STAU2: variants seen among roughly 807,000 people sequenced by gnomAD.
The protein encoded by STAU2 is double-stranded RNA-binding protein Staufen homolog 2.
In STAU2, 20 loss-of-function variants were observed where a neutral mutation model predicts 65.9. That is an observed-to-expected ratio of 0.30 (90% CI 0.21 to 0.44). The LOEUF is 0.44. Among genes scored for constraint, STAU2 ranks in the 20% least tolerant of loss-of-function variants. STAU2 has a pLI of 1.00. For synonymous variants in STAU2, 232 were observed against 233.9 expected (o/e 0.99, Z 0.07); for missense variants, 558 against 683.9 (o/e 0.82, Z 2.05).
intron 4 of STAU2, among the ~76,000 whole-genome samples, chr8:73,695,192 G>C (rs954836218): frequency 1.3e-5 from 2 of 152,154 alleles, no homozygotes; most frequent in Non-Finnish European, 2.9e-5. Flanking sequence ...TTGTAGCAAC[G>C]AAAGTATCTA....
chr8:73,560,662 C>A (rs1450987521), intron 12 of STAU2, among the ~76,000 whole-genome samples: 1 of 152,068 alleles, frequency 6.6e-6, no homozygotes, highest in Non-Finnish European at 1.5e-5. Flanking sequence ...AGTCTTGCCC[C>A]CAAAAAGGCA....
At chr8:73,428,346 A>T (rs1033344828) in intron 13 of STAU2, among the ~76,000 whole-genome samples, 2 of 152,142 alleles carry the variant, frequency 1.3e-5, no homozygotes, top group African/African-American at 4.8e-5. Context: ...TATATACCAC[A>T]TTTTCTTTTT....
intron 6 of STAU2, among the ~76,000 whole-genome samples, chr8:73,654,684 T>A (rs1816197535): frequency 2.1e-4 from 2 of 9,346 alleles, no homozygotes; most frequent in African/African-American, 4.1e-4. Context: ...TTATCAAACC[T>A]TTTTTTTTTT....
intron 5 of STAU2, among the ~76,000 whole-genome samples, chr8:73,675,249 A>G (rs1817952232): frequency 6.6e-6 from 1 of 152,054 alleles, no homozygotes; most frequent in African/African-American, 2.4e-5. Flanking sequence ...ACTGAATGAT[A>G]ATAGTGACAC....
At chr8:73,583,149 C>CTT (rs111660605) in intron 11 of STAU2, among the ~76,000 whole-genome samples, 4 of 141,626 alleles carry the variant, frequency 2.8e-5, no homozygotes, top group African/African-American at 5.2e-5. Flanking sequence ...AAAAATAAAT[C>CTT]TTTTTTTTTT....
chr8:73,536,890 T>C (rs867451486), intron 13 of STAU2, among the ~76,000 whole-genome samples: 58 of 152,246 alleles, frequency 3.8e-4, no homozygotes, highest in Middle Eastern at 3.4e-3. Flanking sequence ...CAAAATTCAG[T>C]AGAAAATCAC....
In STAU2 at chr8:73,603,869, A is replaced by C. The variant is rs1265041057; in HGVS notation, c.892-6T>G. 3.8e-6 allele frequency: 6 copies of C among 1,576,652 alleles called. No individual in the cohort carries two copies. Among genetic ancestry groups the C allele is most frequent in the Non-Finnish European group, 4.3e-6 (5 of 1,168,554 alleles). Reference sequence around the variant, plus strand: ...TGGCCATATTCTGGTCCGGCCTAAAAATTAATTTAAGAAAAAGTTTTAAAA... The same window carrying C: ...TGGCCATATTCTGGTCCGGCCTAAACATTAATTTAAGAAAAAGTTTTAAAA... On this transcript the variant is annotated splice_polypyrimidine_tract_variant and splice_region_variant and intron_variant, in intron 9 of 14. Transcript: ENST00000524300.
chr8:73,540,193 A>T (rs890245989), intron 13 of STAU2, among the ~76,000 whole-genome samples: 6 of 152,230 alleles, frequency 3.9e-5, no homozygotes, highest in African/African-American at 1.2e-4. Context: ...GAATAAGATC[A>T]TTCTGAATTT....
chr8:73,514,486 C>T (rs1822596665), intron 13 of STAU2, among the ~76,000 whole-genome samples: 1 of 152,206 alleles, frequency 6.6e-6, no homozygotes, highest in Non-Finnish European at 1.5e-5. Context: ...ATGTCTGGAA[C>T]TCCCACCAAG....
intron 13 of STAU2, among the ~76,000 whole-genome samples, chr8:73,435,185 A>T (rs1476195679): frequency 6.6e-6 from 1 of 151,792 alleles, no homozygotes; most frequent in Non-Finnish European, 1.5e-5. Flanking sequence ...CTCCAGGTGG[A>T]TGTCCCTAAT....
At chr8:73,570,125 A>G (rs1376207610) in intron 12 of STAU2, among the ~76,000 whole-genome samples, 1 of 152,224 alleles carries the variant, frequency 6.6e-6, no homozygotes, top group East Asian at 1.9e-4. Context: ...ACTTTAAATG[A>G]CCTGATGGAG....
chr8:73,630,527 C>T (rs1485016382), intron 6 of STAU2, among the ~76,000 whole-genome samples: 1 of 152,210 alleles, frequency 6.6e-6, no homozygotes, highest in East Asian at 1.9e-4. Context: ...ATTTTAGTCA[C>T]ACTAAATACA....
At chr8:73,448,408 G>A (rs1018039918) in intron 13 of STAU2, among the ~76,000 whole-genome samples, 29 of 152,174 alleles carry the variant, frequency 1.9e-4, no homozygotes, top group African/African-American at 6.7e-4. Flanking sequence ...TCAGCCTCCC[G>A]AGTAGCTGGG....
At chr8:73,624,099 A>C (rs1244624595) in intron 6 of STAU2, among the ~76,000 whole-genome samples, 1 of 152,176 alleles carries the variant, frequency 6.6e-6, no homozygotes, top group Non-Finnish European at 1.5e-5. Flanking sequence ...TTCCTCTCAT[A>C]ATTTCAAGTT....
rs759573778 is a variant in STAU2 at position 73,535,097 on chromosome 8, C to T, written c.1530+16915G>A. ...ACAAATGAAACAGATGTGTTGTCAG[C>T]GTTGTTTAGGGGGATAATAACATTC... On this transcript the variant is annotated intron_variant, in intron 13 of 14. Transcript: ENST00000524300. 3.9e-5 allele frequency among the ~76,000 whole-genome samples: 6 copies of T among 152,084 alleles called. No individual in the cohort carries two copies. In the East Asian group the frequency reaches 7.7e-4, roughly 19 times the overall value.
chr8:73,575,389 G>T (rs1809464150), intron 12 of STAU2, among the ~76,000 whole-genome samples: 1 of 152,138 alleles, frequency 6.6e-6, no homozygotes, highest in African/African-American at 2.4e-5. Flanking sequence ...CTACACTGAT[G>T]GTAGAGACGT....
intron 6 of STAU2, among the ~76,000 whole-genome samples, chr8:73,626,326 G>A (rs1013102367): frequency 2.6e-5 from 4 of 152,162 alleles, no homozygotes; most frequent in African/African-American, 9.7e-5. Context: ...CCATTTTTGA[G>A]AAAGGGCAAG....
chr8:73,513,751 C>T (rs778463515), intron 13 of STAU2, among the ~76,000 whole-genome samples: 1 of 152,064 alleles, frequency 6.6e-6, no homozygotes, highest in Non-Finnish European at 1.5e-5. Context: ...TGTCTCTTAC[C>T]GAGATGTCTA....
intron 13 of STAU2, among the ~76,000 whole-genome samples, chr8:73,516,260 C>A (rs963065598): frequency 3.9e-5 from 6 of 151,970 alleles, no homozygotes; most frequent in African/African-American, 1.5e-4. Context: ...ACTCTTCTTA[C>A]CAAACAGTAG....
Sources: gnomAD v4.1 joint callset for allele counts (sites outside exome capture counted in the v4.1 genomes callset) on GRCh38, gnomAD v4.1.1 for gene constraint, MANE v1.5 for transcripts, NCBI Gene and HGNC (gene_info 2026-07-23, HGNC 2026-07-21) for gene names.